Variants in COBLL1 observed in about 807,000 individuals in gnomAD.
COBLL1 encodes cordon-bleu protein-like 1.
In COBLL1, 50 loss-of-function variants were observed where a neutral mutation model predicts 94.8. The observed-to-expected ratio is 0.53, with a 90% confidence interval of 0.42 to 0.67. The LOEUF is 0.67. COBLL1 is among the 30% of genes least tolerant of loss of function. The pLI is 0.00. For synonymous variants in COBLL1, 448 were observed against 473.8 expected (o/e 0.95, Z 0.71); for missense variants, 1,362 against 1,348.7 (o/e 1.01, Z -0.15).
intron 3 of COBLL1, among the ~76,000 whole-genome samples, chr2:164,740,970 T>G (rs946762156): frequency 2.6e-5 from 4 of 152,002 alleles, no homozygotes; most frequent in Non-Finnish European, 5.9e-5. Flanking sequence ...AGGCATGTGG[T>G]GAAGCTTAAG....
At chr2:164,708,650 AGTAGAAGAT>A (rs1369740004) in intron 7 of COBLL1, among the ~76,000 whole-genome samples, 1 of 152,212 alleles carries the variant, frequency 6.6e-6, no homozygotes, top group Non-Finnish European at 1.5e-5. Flanking sequence ...AATCAAAAGC[AGTAGAAGAT>A]GTGATTTTAT....
At chr2:164,686,533 A>C (rs1036910854) in intron 13 of COBLL1, among the ~76,000 whole-genome samples, 10 of 152,270 alleles carry the variant, frequency 6.6e-5, no homozygotes, top group African/African-American at 2.2e-4. Flanking sequence ...AAATGCTTTC[A>C]TATAAAGGAT....
rs950390835 is a variant in COBLL1, at chr2:164,700,455, T to C, written c.1460+67A>G. On this transcript the variant is annotated intron_variant, in intron 10 of 13. Transcript: ENST00000652658. The stretch of plus-strand genomic sequence containing the variant: ...ATATTTATGTTTAAAATATCAGATC[T>C]ATATTTCAGAAGACTAGTATTAATT... 7.4e-6 allele frequency: 7 copies of C among 941,662 alleles called. No homozygotes were observed. The African/African-American group carries it at 1.2e-4, about 16-fold the overall frequency. The allele number at this position is 941,662 out of a possible 1,614,324, so 58.3% of individuals were successfully genotyped here. A position where few individuals can be genotyped will look rare whatever the true frequency, so the allele number is the denominator to read the frequency against.
chr2:164,762,643 ATAAGG>A (rs1687738756), intron 2 of COBLL1, among the ~76,000 whole-genome samples: 1 of 152,268 alleles, frequency 6.6e-6, no homozygotes, highest in East Asian at 1.9e-4. Flanking sequence ...TAAAAACAGC[ATAAGG>A]TAAGTGTGAA....
intron 2 of COBLL1, 94 bp from the exon 3 acceptor site, chr2:164,743,969 G>T: frequency 3.5e-6 from 3 of 858,610 alleles, no homozygotes; most frequent in Admixed American, 3.3e-5. Flanking sequence ...ATCTAGTAGT[G>T]GTTTTTCACA....
chr2:164,719,170 C>A (rs896898038), intron 7 of COBLL1, among the ~76,000 whole-genome samples: 2 of 151,422 alleles, frequency 1.3e-5, no homozygotes, highest in African/African-American at 4.9e-5. Flanking sequence ...TGAAGGGAGA[C>A]TGAATGAAGG....
intron 2 of COBLL1, among the ~76,000 whole-genome samples, chr2:164,802,428 T>C (rs547028644): frequency 6.6e-6 from 1 of 152,190 alleles, no homozygotes; most frequent in Non-Finnish European, 1.5e-5. Flanking sequence ...GCCAGTAATA[T>C]ATCTGAAGGC....
intron 2 of COBLL1, among the ~76,000 whole-genome samples, chr2:164,820,413 G>T (rs772522096): frequency 1.3e-5 from 2 of 151,810 alleles, no homozygotes; most frequent in Non-Finnish European, 2.9e-5. Context: ...CAGATTTGGG[G>T]TTTTGCCATG....
In COBLL1 at chr2:164,704,615, GC is replaced by G. The variant is rs1225312968; in HGVS notation, c.1151-98del. 8 of 1,042,242 alleles carry G rather than the reference GC, an allele frequency of 7.7e-6. No individual in the cohort carries two copies. The East Asian group carries it at 1.7e-4, about 22-fold the overall frequency. 64.6% of individuals were successfully genotyped at this position (1,042,242 alleles called of 1,614,324 possible). On this transcript the variant is annotated intron_variant, in intron 8 of 13. Transcript: ENST00000652658. ...AGTTATATAGTTCAGAAAGCAGTAA[GC>G]CTTGCTAGAAGCCATTTTACTATCT...
intron 2 of COBLL1, among the ~76,000 whole-genome samples, chr2:164,765,898 G>T (rs1687910431): frequency 6.6e-6 from 1 of 150,690 alleles, no homozygotes; most frequent in Non-Finnish European, 1.5e-5. Flanking sequence ...TTTCTTATTT[G>T]TGCTTTAAAT....
At chr2:164,764,243 C>T (rs1687830591) in intron 2 of COBLL1, among the ~76,000 whole-genome samples, 1 of 152,072 alleles carries the variant, frequency 6.6e-6, no homozygotes, top group African/African-American at 2.4e-5. Context: ...ATTCTAAAGA[C>T]AAAAACACTA....
chr2:164,754,888 T>G lies in COBLL1; in HGVS notation c.42-11013A>C, dbSNP rs189297735. On this transcript the variant is annotated intron_variant, in intron 2 of 13. Coordinates refer to ENST00000652658, the MANE Select transcript of COBLL1 (RefSeq NM_001365672.2). ...GCAAATCCAAAGACAAGACACAGGT[T>G]TCCGGCTGGGTGCAGTGGCCCACAC... 3.9e-5 allele frequency among the ~76,000 whole-genome samples: 6 copies of G among 152,302 alleles called. No homozygotes were observed. In the East Asian group the frequency reaches 1.2e-3, roughly 29 times the overall value.
rs1357206463 is a variant in COBLL1, at chr2:164,662,045, ATT to A, written n.181+3800_181+3801del. On this transcript the variant is annotated intron_variant and non_coding_transcript_variant, in intron 2 of 2. Transcript: ENST00000495084. ...AAGGAACTTAAGGCAGGTTACTGAT[ATT>A]GTTTTTAATATAGAGAAATTCAAAA... Among the ~76,000 whole-genome samples, 12 of 152,316 alleles carry A rather than the reference ATT, an allele frequency of 7.9e-5. No homozygotes were observed. The East Asian group carries it at 2.3e-3, about 29-fold the overall frequency.
intron 7 of COBLL1, among the ~76,000 whole-genome samples, chr2:164,707,112 G>A (rs919417194): frequency 6.6e-6 from 1 of 151,762 alleles, no homozygotes; most frequent in African/African-American, 2.4e-5. Flanking sequence ...TGATAACTCG[G>A]TGTCCCTTCA....
At chr2:164,777,331 T>TACACACACAC (rs72061846) in intron 2 of COBLL1, among the ~76,000 whole-genome samples, 2,194 of 149,148 alleles carry the variant, frequency 0.015, 23 homozygotes, top group South Asian at 0.024. Context: ...AATCATGAGT[T>TACACACACAC]ACACACACAC....
At chr2:164,693,078 T>G (rs1055576840) in intron 12 of COBLL1, among the ~76,000 whole-genome samples, 1 of 152,138 alleles carries the variant, frequency 6.6e-6, no homozygotes, top group Non-Finnish European at 1.5e-5. Flanking sequence ...TATCAAGTAA[T>G]CTTAAATGTC....
intron 3 of COBLL1, among the ~76,000 whole-genome samples, chr2:164,741,019 T>C (rs1366126321): frequency 6.6e-6 from 1 of 152,140 alleles, no homozygotes; most frequent in African/African-American, 2.4e-5. Flanking sequence ...CTCATGTCTG[T>C]AATCTCAGCA....
In COBLL1 at chr2:164,699,451, A is replaced by AACT. The variant is rs1299554740; in HGVS notation, c.1506_1508dup (p.Val503dup). On this transcript the variant is annotated inframe_insertion, in exon 11 of 14. Coordinates refer to ENST00000652658, the MANE Select transcript of COBLL1 (RefSeq NM_001365672.2). ...ACGACTTCAAGTTTCTTATACTGTC[A>AACT]ACTACCTTCTTTCCATTGCTTGTAT... 1 of 1,612,536 alleles carries AACT rather than the reference A, an allele frequency of 6.2e-7. No homozygotes were observed. Among genetic ancestry groups the AACT allele is most frequent in the African/African-American group, 1.3e-5 (1 of 74,890 alleles).
chr2:164,678,893 A>G (rs1685411320), downstream of COBLL1, among the ~76,000 whole-genome samples: 1 of 152,166 alleles, frequency 6.6e-6, no homozygotes, highest in African/African-American at 2.4e-5. Context: ...CCTGTTGGAA[A>G]GAAAATGGTC....
Sources: allele counts gnomAD v4.1 joint callset (sites outside exome capture counted in the v4.1 genomes callset), GRCh38; gene constraint gnomAD v4.1.1; transcripts MANE v1.5; gene names NCBI Gene and HGNC (gene_info 2026-07-23, HGNC 2026-07-21).